Variants in HS3ST4 observed in about 807,000 individuals in gnomAD.
The protein encoded by HS3ST4 is heparan sulfate glucosamine 3-O-sulfotransferase 4.
In HS3ST4, 17 loss-of-function variants were observed where a neutral mutation model predicts 29.2. The ratio of observed to expected loss-of-function variants is 0.58; its 90% CI spans 0.40 to 0.87. The LOEUF is 0.87. Among genes scored for constraint, HS3ST4 ranks in the 40% least tolerant of loss-of-function variants. HS3ST4 has a pLI of 0.00. For missense variants in HS3ST4, 627 were observed against 634.5 expected, an observed-to-expected ratio of 0.99 and a Z score of 0.13; for synonymous variants, 314 against 285.7, an observed-to-expected ratio of 1.10 and a Z score of -1.00.
intron 1 of HS3ST4, among the ~76,000 whole-genome samples, chr16:25,724,677 T>A (rs989889536): frequency 1.3e-5 from 2 of 152,140 alleles, no homozygotes; most frequent in Admixed American, 6.5e-5. Flanking sequence ...AACTTTTTTT[T>A]AAATGTAACT....
intron 1 of HS3ST4, among the ~76,000 whole-genome samples, chr16:25,892,285 G>C (rs187601364): frequency 2.6e-5 from 4 of 152,212 alleles, no homozygotes; most frequent in Admixed American, 2.0e-4. Flanking sequence ...CCCTGCAGGA[G>C]TGAGGAGGGC....
At chr16:25,953,075 C>G (rs115353851) in intron 1 of HS3ST4, among the ~76,000 whole-genome samples, 2,272 of 152,262 alleles carry the variant, frequency 0.015, 62 homozygotes, top group African/African-American at 0.053. Context: ...GGTGAAGTAA[C>G]AGCCAGCTCC....
chr16:25,989,218 T>A (rs182484688), intron 1 of HS3ST4, among the ~76,000 whole-genome samples: 1 of 152,242 alleles, frequency 6.6e-6, no homozygotes, highest in Admixed American at 6.5e-5. Flanking sequence ...TGTTTACACC[T>A]CCAGTTAAGT....
intron 1 of HS3ST4, among the ~76,000 whole-genome samples, chr16:25,718,013 G>C (rs1364306863): frequency 6.6e-6 from 1 of 152,168 alleles, no homozygotes; most frequent in Non-Finnish European, 1.5e-5. Flanking sequence ...TTGCCTTTGA[G>C]GGGTGAGAGA....
At chr16:25,815,910 T>G (rs1287467380) in intron 1 of HS3ST4, among the ~76,000 whole-genome samples, 1 of 152,238 alleles carries the variant, frequency 6.6e-6, no homozygotes, top group East Asian at 1.9e-4. Context: ...TTTGGCCCAA[T>G]GTCCCTTTTT....
At position 25,714,245 on chromosome 16, in the gene HS3ST4, C is replaced by T. The variant is rs369340660; in HGVS notation, c.734+21094C>T. 1.2e-4 allele frequency among the ~76,000 whole-genome samples: 18 copies of T among 152,292 alleles called. 1 individual carries two copies. In the South Asian group the frequency reaches 3.5e-3, roughly 30 times the overall value. ...AATAAAATAAAGACTCTCTCCACGGCTCATCATCCTCCTTCCCGCACTGCC... is the reference window on the plus strand; with the variant it reads ...AATAAAATAAAGACTCTCTCCACGGTTCATCATCCTCCTTCCCGCACTGCC... On this transcript the variant is annotated intron_variant, in intron 1 of 1. Coordinates refer to ENST00000331351, the MANE Select transcript of HS3ST4 (RefSeq NM_006040.3).
chr16:25,840,944 T>C (rs1967405190), intron 1 of HS3ST4, among the ~76,000 whole-genome samples: 1 of 151,728 alleles, frequency 6.6e-6, no homozygotes, highest in Non-Finnish European at 1.5e-5. Context: ...ATGAGATTTG[T>C]ATTTACTTTA....
At position 25,940,734 on chromosome 16, in the gene HS3ST4, G is replaced by GT. The variant is rs540974305; in HGVS notation, c.735-194876dup. The stretch of plus-strand genomic sequence containing the variant: ...CTTGGGAGGTTGGAGCATGAAGTAG[G>GT]TTGACTGTATGGATGAAAGTGCCAA... On this transcript the variant is annotated intron_variant, in intron 1 of 1. Transcript: ENST00000331351. Among the ~76,000 whole-genome samples the GT allele has an allele frequency of 4.6e-3, 698 of 152,302 alleles. 3 individuals carry two copies. Among genetic ancestry groups the GT allele is most frequent in the Middle Eastern group, 0.024 (7 of 294 alleles).
intron 1 of HS3ST4, among the ~76,000 whole-genome samples, chr16:26,068,658 G>A (rs533849454): frequency 1.1e-4 from 17 of 152,022 alleles, no homozygotes; most frequent in South Asian, 8.3e-4. Flanking sequence ...TCAAGTGGTC[G>A]TTTGACTTTT....
chr16:25,840,477 A>C (rs2141644347), intron 1 of HS3ST4, among the ~76,000 whole-genome samples: 1 of 152,354 alleles, frequency 6.6e-6, no homozygotes, highest in South Asian at 2.1e-4. Context: ...TACTCCTAAT[A>C]TCAAATAAGT....
At position 25,949,188 on chromosome 16, in the gene HS3ST4, A is replaced by T. The variant is rs1012004198; in HGVS notation, c.735-186424A>T. On this transcript the variant is annotated intron_variant, in intron 1 of 1. Transcript: ENST00000331351. ...GGAGAATGGGGTATCCAACCCCTCA[A>T]GCATTTATCCTTTGAGTTACAAACT... 2.6e-5 allele frequency among the ~76,000 whole-genome samples: 4 copies of T among 152,252 alleles called. No individual in the cohort carries two copies. The South Asian group carries it at 8.3e-4, about 32-fold the overall frequency.
At position 25,826,471 on chromosome 16, in the gene HS3ST4, CT is replaced by C. The variant is rs1226273849; in HGVS notation, c.734+133321del. 9.2e-5 allele frequency: 14 copies of C among 152,140 alleles called. No individual in the cohort carries two copies. In the East Asian group the frequency reaches 1.3e-3, roughly 15 times the overall value. The allele number at this position is 152,140 out of a possible 1,614,324, so 9.4% of individuals were successfully genotyped here. ...GCTCATAGAGGCCTGGAATTTCCCC[CT>C]GGTGGGTCTAGTGAAATGGGGAAGG... On this transcript the variant is annotated intron_variant, in intron 1 of 1. Coordinates refer to ENST00000331351, the MANE Select transcript of HS3ST4 (RefSeq NM_006040.3).
chr16:25,798,399 T>C (rs780209282), intron 1 of HS3ST4, among the ~76,000 whole-genome samples: 2 of 152,236 alleles, frequency 1.3e-5, no homozygotes, highest in South Asian at 4.1e-4. Context: ...ACAAAACTTA[T>C]TTATTCTTGG....
At chr16:26,080,723 C>T (rs1480969590) in intron 1 of HS3ST4, among the ~76,000 whole-genome samples, 2 of 152,116 alleles carry the variant, frequency 1.3e-5, no homozygotes, top group Non-Finnish European at 2.9e-5. Flanking sequence ...ACTGCTCCCG[C>T]GGAGCATTAA....
At chr16:25,910,524 T>C (rs991495955) in intron 1 of HS3ST4, among the ~76,000 whole-genome samples, 6 of 152,052 alleles carry the variant, frequency 3.9e-5, no homozygotes, top group Admixed American at 2.0e-4. Flanking sequence ...GTGCCTGTAA[T>C]CCCAGCTACT....
chr16:25,788,878 G>A lies in HS3ST4; in HGVS notation c.734+95727G>A, dbSNP rs955924534. 2.0e-5 allele frequency among the ~76,000 whole-genome samples: 3 copies of A among 152,250 alleles called. No homozygotes were observed. The South Asian group carries it at 6.2e-4, about 32-fold the overall frequency. ...CTTGATTCTTAGGCAGGACTTGTCAGTGTGATAGCAATGCCAAGATTATGT... is the reference window on the plus strand; with the variant it reads ...CTTGATTCTTAGGCAGGACTTGTCAATGTGATAGCAATGCCAAGATTATGT... On this transcript the variant is annotated intron_variant, in intron 1 of 1. Transcript: ENST00000331351.
chr16:25,800,054 T>C (rs531720551), intron 1 of HS3ST4, among the ~76,000 whole-genome samples: 8 of 147,942 alleles, frequency 5.4e-5, no homozygotes, highest in South Asian at 2.2e-4. Context: ...TCCTTCCTTC[T>C]TGCCTTCCTG....
At chr16:26,000,341 A>G (rs186942870) in intron 1 of HS3ST4, among the ~76,000 whole-genome samples, 94 of 152,228 alleles carry the variant, frequency 6.2e-4, no homozygotes, top group Admixed American at 2.6e-3. Flanking sequence ...CTACTTTTTG[A>G]CAAAATGCCC....
chr16:26,100,264 C>G (rs1215619453), intron 1 of HS3ST4, among the ~76,000 whole-genome samples: 1 of 152,086 alleles, frequency 6.6e-6, no homozygotes, highest in Non-Finnish European at 1.5e-5. Context: ...TATAACAAAC[C>G]TGCACATCTA....
Sources: allele counts gnomAD v4.1 joint callset (sites outside exome capture counted in the v4.1 genomes callset), GRCh38; gene constraint gnomAD v4.1.1; transcripts MANE v1.5; gene names NCBI Gene and HGNC (gene_info 2026-07-23, HGNC 2026-07-21).